Variants in SIPA1L2 observed in about 807,000 individuals in gnomAD.
SIPA1L2 encodes the protein signal-induced proliferation-associated 1-like protein 2.
Under a neutral mutation model 163.9 loss-of-function variants are expected in SIPA1L2, and 56 were observed. The ratio of observed to expected loss-of-function variants is 0.34; its 90% CI spans 0.28 to 0.43. The LOEUF (loss-of-function observed/expected upper bound fraction) is 0.43. Ranked by LOEUF, SIPA1L2 falls within the 20% of genes least tolerant of loss-of-function variation. The probability of loss-of-function intolerance (pLI) is 1.00; values close to 1 mark genes in which losing one functional copy is unlikely to be tolerated. For missense variants in SIPA1L2, 1,974 were observed against 2,193.5 expected, an observed-to-expected ratio of 0.90 and a Z score of 2.00; for synonymous variants, 877 against 865.7, an observed-to-expected ratio of 1.01 and a Z score of -0.23.
intron 19 of SIPA1L2, among the ~76,000 whole-genome samples, chr1:232,413,458 G>C (rs549417640): frequency 6.6e-6 from 1 of 152,298 alleles, no homozygotes; most frequent in East Asian, 1.9e-4. Flanking sequence ...CATTTGAAAG[G>C]GGTGGAAGGG....
chr1:232,581,690 G>A (rs909972545), intron 1 of SIPA1L2, among the ~76,000 whole-genome samples: 5 of 151,924 alleles, frequency 3.3e-5, no homozygotes, highest in African/African-American at 1.2e-4. Flanking sequence ...CCTTAATATG[G>A]CCCAAGTACC....
chr1:232,624,740 T>G lies in SIPA1L2; in HGVS notation c.-319+5129A>C, dbSNP rs565073652. 2.0e-5 allele frequency among the ~76,000 whole-genome samples: 3 copies of G among 152,308 alleles called. No homozygotes were observed. In the South Asian group the frequency reaches 6.2e-4, roughly 32 times the overall value. On this transcript the variant is annotated intron_variant, in intron 1 of 22. Coordinates refer to ENST00000674635, the MANE Select transcript of SIPA1L2 (RefSeq NM_020808.5). ...AAGTGAAAAATATGGAGTAATCTAATGGGCAGAGTTCAAGACACCCCTTTT... is the reference window on the plus strand; with the variant it reads ...AAGTGAAAAATATGGAGTAATCTAAGGGGCAGAGTTCAAGACACCCCTTTT...
chr1:232,490,804 G>A lies in SIPA1L2; in HGVS notation c.1806+70C>T, dbSNP rs576918509. 1.0e-5 allele frequency: 15 copies of A among 1,462,108 alleles called. No homozygotes were observed. In the African/African-American group the frequency reaches 1.7e-4, roughly 17 times the overall value. The allele number at this position is 1,462,108 out of a possible 1,614,324, so 90.6% of individuals were successfully genotyped here. ...AATGATCTTACAAGAAAGATGGATG[G>A]GAAAACTCCAAAACTTTCAGAAACA... is the stretch of plus-strand genomic sequence containing the variant. On this transcript the variant is annotated intron_variant, in intron 5 of 22. Transcript: ENST00000674635.
At chr1:232,538,031 C>G (rs149014430) in intron 2 of SIPA1L2, among the ~76,000 whole-genome samples, 1 of 152,164 alleles carries the variant, frequency 6.6e-6, no homozygotes, top group Non-Finnish European at 1.5e-5. Context: ...TGACAATCTC[C>G]CAGGCAAGTT....
chr1:232,514,969 C>T lies in SIPA1L2; in HGVS notation c.371G>A (p.Gly124Asp). Residue 124 changes from glycine (G) to aspartate (D), a missense_variant, in exon 3 of 23, where the codon GGT becomes GAT. Physicochemically the swap from Gly to Asp is moderately conservative, Grantham distance 94. Around this residue, in one of 3 missense-constraint regions of SIPA1L2, gnomAD observed 607 missense variants for 624.0 expected, o/e 0.97. Transcript: ENST00000674635. ...LQNGQSDQSE[G>D]QQDEQLDLDF... ...CAGATCGAGCTGTTCATCTTGCTGACCTTCACTCTGGTCACTCTGCCCATT... is the reference window on the plus strand; with the variant it reads ...CAGATCGAGCTGTTCATCTTGCTGATCTTCACTCTGGTCACTCTGCCCATT... 1.9e-6 allele frequency: 3 copies of T among 1,614,172 alleles called. No homozygotes were observed. The highest frequency in any genetic ancestry group is 2.5e-6 in the Non-Finnish European group (3 of 1,180,026).
intron 18 of SIPA1L2, among the ~76,000 whole-genome samples, chr1:232,417,285 T>C (rs1021950428): frequency 5.3e-5 from 8 of 152,296 alleles, no homozygotes; most frequent in Middle Eastern, 3.4e-3. Context: ...GCTACGCCAA[T>C]TTTCCATGCT....
intron 2 of SIPA1L2, among the ~76,000 whole-genome samples, chr1:232,528,926 T>G (rs1307834167): frequency 6.6e-6 from 1 of 152,198 alleles, no homozygotes; most frequent in Non-Finnish European, 1.5e-5. Context: ...GTTTTGGGTG[T>G]TAACCACCCA....
chr1:232,527,629 G>GA (rs1203689029), intron 2 of SIPA1L2, among the ~76,000 whole-genome samples: 1 of 140,456 alleles, frequency 7.1e-6, no homozygotes, highest in Non-Finnish European at 1.5e-5. Flanking sequence ...TTTACCTGAA[G>GA]AAAAAAAGGA....
intron 2 of SIPA1L2, among the ~76,000 whole-genome samples, chr1:232,532,192 A>T (rs1657008561): frequency 6.6e-6 from 1 of 152,194 alleles, no homozygotes; most frequent in Admixed American, 6.5e-5. Context: ...GATGGTGAGA[A>T]GCAGACTGCT....
intron 1 of SIPA1L2, among the ~76,000 whole-genome samples, chr1:232,609,394 C>T (rs1252124807): frequency 6.6e-6 from 1 of 152,118 alleles, no homozygotes; most frequent in Non-Finnish European, 1.5e-5. Context: ...TTTCTTCTTC[C>T]ATTTCCATCA....
chr1:232,526,676 AG>A (rs1009895844), intron 2 of SIPA1L2, among the ~76,000 whole-genome samples: 13 of 152,176 alleles, frequency 8.5e-5, no homozygotes, highest in African/African-American at 2.7e-4. Context: ...TATATACCGT[AG>A]GCCTGTGACA....
chr1:232,483,755 A>T, intron 6 of SIPA1L2, 37 bp downstream of exon 6: 1 of 1,610,508 alleles, frequency 6.2e-7, no homozygotes, highest in Non-Finnish European at 8.5e-7. Context: ...ACCTTTGGAG[A>T]ATTAAAAATG....
At chr1:232,623,328 A>G (rs1434967162) in intron 1 of SIPA1L2, among the ~76,000 whole-genome samples, 1 of 152,222 alleles carries the variant, frequency 6.6e-6, no homozygotes, top group Non-Finnish European at 1.5e-5. Context: ...AGTTCAGAAC[A>G]GGCACAGTGG....
intron 14 of SIPA1L2, 34 bp from the exon 15 acceptor site, chr1:232,439,530 T>A (rs1019433450): frequency 1.3e-6 from 2 of 1,582,740 alleles, no homozygotes; most frequent in East Asian, 4.5e-5. Context: ...AGTTCTCAAG[T>A]GAATCTTGAA....
At chr1:232,588,439 T>A (rs1660785660) in intron 1 of SIPA1L2, among the ~76,000 whole-genome samples, 1 of 151,762 alleles carries the variant, frequency 6.6e-6, no homozygotes, top group Non-Finnish European at 1.5e-5. Flanking sequence ...TTCTGATTCA[T>A]GACAAGAATT....
At chr1:232,552,675 G>A (rs1318861440) in intron 2 of SIPA1L2, among the ~76,000 whole-genome samples, 2 of 152,128 alleles carry the variant, frequency 1.3e-5, no homozygotes, top group Non-Finnish European at 2.9e-5. Context: ...CAGCCAATAA[G>A]TATCTGTTGA....
At position 232,398,990 on chromosome 1, in the gene SIPA1L2, G is replaced by C; in HGVS notation, c.*137C>G. On this transcript the variant is annotated 3_prime_UTR_variant, in exon 23 of 23. Transcript: ENST00000674635. ...AAGAGTCGAGGCTCCCTATCCTGCT[G>C]TGGTGAATGGTGCTACACAGAATGG... The C allele has an allele frequency of 8.3e-7, 1 of 1,197,640 alleles. No individual in the cohort carries two copies. The highest frequency in any genetic ancestry group is 1.2e-6 in the Non-Finnish European group (1 of 858,490). 74.2% of individuals were successfully genotyped at this position (1,197,640 alleles called of 1,614,324 possible).
intron 2 of SIPA1L2, among the ~76,000 whole-genome samples, chr1:232,556,724 T>TA (rs34422182): frequency 0.39 from 55,854 of 145,030 alleles, 10,824 homozygotes; most frequent in East Asian, 0.55. Flanking sequence ...TACAAACAGT[T>TA]AAAAAAAAAA....
At chr1:232,560,396 GTATTTAA>G (rs1658961444) in intron 2 of SIPA1L2, among the ~76,000 whole-genome samples, 1 of 152,226 alleles carries the variant, frequency 6.6e-6, no homozygotes, top group South Asian at 2.1e-4. Flanking sequence ...CGCTGCACTG[GTATTTAA>G]TAAGGCCCTC....
Sources: gnomAD v4.1 joint callset for allele counts (sites outside exome capture counted in the v4.1 genomes callset) on GRCh38, gnomAD v4.1.1 for gene constraint, gnomAD v4.1.1 regional missense constraint, MANE v1.5 for transcripts, NCBI Gene and HGNC (gene_info 2026-07-23, HGNC 2026-07-21) for gene names.